The following CCDC149 variants were observed in gnomAD, a reference collection of about 807,000 sequenced individuals.
CCDC149 encodes coiled-coil domain-containing protein 149.
CCDC149 carries 45 observed loss-of-function variants against 59.9 expected under a neutral mutation model. That is an observed-to-expected ratio of 0.75 (90% CI 0.59 to 0.96). The LOEUF (loss-of-function observed/expected upper bound fraction) is 0.96. Ranked by LOEUF, CCDC149 falls within the 40% of genes least tolerant of loss-of-function variation. The probability of loss-of-function intolerance (pLI) is 0.00; values close to 1 mark genes in which losing one functional copy is unlikely to be tolerated. For synonymous variants in CCDC149, 245 were observed against 260.6 expected (o/e 0.94, Z 0.58); for missense variants, 584 against 664.7 (o/e 0.88, Z 1.33).
Position 24,888,058 on chromosome 4 carries a change from C to T in CCDC149, c.64-11361G>A, listed in dbSNP as rs193090053. Among the ~76,000 whole-genome samples the T allele has an allele frequency of 1.9e-3, 291 of 152,244 alleles. 1 individual carries two copies. The highest frequency in any genetic ancestry group is 3.3e-3 in the Non-Finnish European group (222 of 68,016). ...ACTCCCCCAGGCAGAGTGAGAGCCA[C>T]GTGGCACTGTGGGTACACTTAGAGT... On this transcript the variant is annotated intron_variant, in intron 1 of 12. Transcript: ENST00000635206.
chr4:24,950,051 A>C (rs1723238582), intron 1 of CCDC149, among the ~76,000 whole-genome samples: 1 of 152,224 alleles, frequency 6.6e-6, no homozygotes, highest in Admixed American at 6.5e-5. Flanking sequence ...TGTAACAGCC[A>C]TCTCTGCAGG....
intron 1 of CCDC149, among the ~76,000 whole-genome samples, chr4:24,947,508 G>A (rs532581588): frequency 2.6e-5 from 4 of 152,154 alleles, no homozygotes; most frequent in Non-Finnish European, 1.5e-5. Context: ...GTGTGAGAAC[G>A]GACTAATACA....
intron 4 of CCDC149, among the ~76,000 whole-genome samples, chr4:24,845,945 T>G (rs1481605566): frequency 6.6e-6 from 1 of 152,240 alleles, no homozygotes; most frequent in Non-Finnish European, 1.5e-5. Flanking sequence ...ATTTTCATTT[T>G]AGTGTGTAAT....
chr4:24,892,191 C>A (rs770271884), intron 1 of CCDC149, among the ~76,000 whole-genome samples: 3 of 152,162 alleles, frequency 2.0e-5, no homozygotes, highest in African/African-American at 4.8e-5. Context: ...GAGTCAGAGT[C>A]CCCTCTGGAT....
chr4:24,822,032 C>T (rs983501329), intron 10 of CCDC149, among the ~76,000 whole-genome samples: 5 of 152,114 alleles, frequency 3.3e-5, no homozygotes, highest in Non-Finnish European at 5.9e-5. Context: ...TTGGACAAAT[C>T]TTTGTATGTT....
intron 3 of CCDC149, among the ~76,000 whole-genome samples, chr4:24,860,966 A>G (rs920038549): frequency 2.0e-5 from 3 of 152,132 alleles, no homozygotes; most frequent in African/African-American, 4.8e-5. Flanking sequence ...AAAATAATAG[A>G]TGTTGGCATG....
chr4:24,976,667 C>T (rs770036835), intron 1 of CCDC149, among the ~76,000 whole-genome samples: 2 of 152,124 alleles, frequency 1.3e-5, no homozygotes, highest in African/African-American at 2.4e-5. Flanking sequence ...GAGCCGAGAT[C>T]GTGCCACTGC....
chr4:24,846,489 C>T (rs1472727261), intron 4 of CCDC149, among the ~76,000 whole-genome samples: 1 of 152,212 alleles, frequency 6.6e-6, no homozygotes, highest in African/African-American at 2.4e-5. Flanking sequence ...TGACAAACAT[C>T]CACAGCTGAG....
Position 24,837,758 on chromosome 4 carries a change from GA to G in CCDC149, c.490-359del, listed in dbSNP as rs1449366136. ...TCTGCTCTTCAGTTAGTAAGAGGAA[GA>G]AAATGAACTTTAGGCTCTCTTAGTT... On this transcript the variant is annotated intron_variant, in intron 5 of 12. Transcript: ENST00000635206. This position sits in a 1 kb window ranked among gnomAD's most constrained non-coding sequence, Gnocchi z 4.3. Among the ~76,000 whole-genome samples, 1 of 152,200 alleles carries G rather than the reference GA, an allele frequency of 6.6e-6. No homozygotes were observed. Among genetic ancestry groups the G allele is most frequent in the Non-Finnish European group, 1.5e-5 (1 of 68,036 alleles).
intron 1 of CCDC149, among the ~76,000 whole-genome samples, chr4:24,948,909 C>G (rs73105506): frequency 0.04 from 6,031 of 152,270 alleles, 384 homozygotes; most frequent in African/African-American, 0.14. Flanking sequence ...CACAAACTCT[C>G]TCTTTGCCAT....
At chr4:24,970,066 A>G (rs1723915191) in intron 1 of CCDC149, among the ~76,000 whole-genome samples, 1 of 152,222 alleles carries the variant, frequency 6.6e-6, no homozygotes, top group Non-Finnish European at 1.5e-5. Flanking sequence ...GGTTTTGCCC[A>G]TGGCAAAAAC....
At chr4:24,804,431 C>T (rs761515958), downstream of CCDC149, among the ~76,000 whole-genome samples, 4 of 139,734 alleles carry the variant, frequency 2.9e-5, no homozygotes, top group Admixed American at 7.9e-5. Flanking sequence ...GTGGAGGTTG[C>T]AGTGAGCCGA....
chr4:24,853,207 C>T (rs1343678892), intron 3 of CCDC149, 28 bp from the exon 4 acceptor site: 1 of 1,517,916 alleles, frequency 6.6e-7, no homozygotes, highest in Non-Finnish European at 9.1e-7. Flanking sequence ...TTATGAAATA[C>T]AATCAGAAAT....
chr4:24,888,322 TTTA>T (rs1184936823), intron 1 of CCDC149, among the ~76,000 whole-genome samples: 2 of 152,148 alleles, frequency 1.3e-5, no homozygotes, highest in East Asian at 3.9e-4. Flanking sequence ...TAGCCATCAA[TTTA>T]TTATTAGGCC....
intron 4 of CCDC149, among the ~76,000 whole-genome samples, chr4:24,840,047 T>C (rs1220720714): frequency 2.6e-5 from 4 of 152,140 alleles, no homozygotes; most frequent in South Asian, 2.1e-4. Flanking sequence ...AGGTGAGAGA[T>C]AGGAAGTTAA....
At chr4:24,885,552 G>A (rs903062064) in intron 1 of CCDC149, among the ~76,000 whole-genome samples, 6 of 152,220 alleles carry the variant, frequency 3.9e-5, no homozygotes, top group African/African-American at 1.2e-4. Context: ...CCGCCGTGAC[G>A]GCTGGTGCCG....
At chr4:24,959,091 A>C (rs1723560017) in intron 1 of CCDC149, among the ~76,000 whole-genome samples, 1 of 149,206 alleles carries the variant, frequency 6.7e-6, no homozygotes, top group Non-Finnish European at 1.5e-5. Context: ...CTCCTGCCTC[A>C]GCCTCCTGAG....
chr4:24,954,980 A>T (rs1403097669), intron 1 of CCDC149, among the ~76,000 whole-genome samples: 1 of 152,082 alleles, frequency 6.6e-6, no homozygotes, highest in African/African-American at 2.4e-5. Flanking sequence ...ATTTCTCTAC[A>T]TTTTATTATA....
At chr4:24,961,711 AG>A in intron 1 of CCDC149, among the ~76,000 whole-genome samples, 1 of 152,352 alleles carries the variant, frequency 6.6e-6, no homozygotes, top group Non-Finnish European at 1.5e-5. Flanking sequence ...AAATGAGGAA[AG>A]GATTCCCTAT....
Sources: allele counts gnomAD v4.1 joint callset (sites outside exome capture counted in the v4.1 genomes callset), GRCh38; gene constraint gnomAD v4.1.1; non-coding constraint Gnocchi (gnomAD v3.1); transcripts MANE v1.5; gene names NCBI Gene and HGNC (gene_info 2026-07-23, HGNC 2026-07-21).